RBM26: variants seen among roughly 807,000 people sequenced by gnomAD.
The protein encoded by RBM26 is RNA binding motif protein 26, also known as RNA-binding protein 26.
In RBM26, 30 loss-of-function variants were observed where a neutral mutation model predicts 123.6. The observed-to-expected ratio is 0.24, with a 90% CI of 0.18 to 0.33. The LOEUF is 0.33. RBM26 is among the 10% of genes least tolerant of loss of function. The pLI is 1.00. For synonymous variants in RBM26, 400 were observed against 404.4 expected (o/e 0.99, Z 0.13); for missense variants, 947 against 1,203.6 (o/e 0.79, Z 3.15).
chr13:79,373,462 TAATATGTATAAATATACAA>T (rs2076281188), intron 3 of RBM26, among the ~76,000 whole-genome samples: 1 of 71,756 alleles, frequency 1.4e-5, no homozygotes, highest in South Asian at 3.9e-4. Flanking sequence ...TAAATATATA[TAATATGTATAAATATACAA>T]ATATATATAA....
exon 5 of RBM26, chr13:79,313,804 T>A (rs368395860): frequency 1.6e-4 from 24 of 151,516 alleles, no homozygotes; most frequent in African/African-American, 5.6e-4. Flanking sequence ...TACATTCTTT[T>A]TACTCTTCAT....
At chr13:79,378,945 A>G in intron 1 of RBM26, 38 bp from the exon 2 acceptor site, 1 of 1,215,262 alleles carries the variant, frequency 8.2e-7, no homozygotes, top group South Asian at 1.3e-5. Context: ...AATTTAGCCA[A>G]CTGCACATTC....
chr13:79,344,199 C>T (rs1278176904), intron 16 of RBM26, 49 bp downstream of exon 16: 1 of 1,200,364 alleles, frequency 8.3e-7, no homozygotes, highest in African/African-American at 1.5e-5. Flanking sequence ...TAAGTTCACT[C>T]CAAATTATAA....
chr13:79,390,358 G>A (rs1380506900), intron 1 of RBM26, among the ~76,000 whole-genome samples: 1 of 152,110 alleles, frequency 6.6e-6, no homozygotes, highest in Non-Finnish European at 1.5e-5. Context: ...ATAATACTCT[G>A]ATTCCACTGA....
chr13:79,360,490 AATATAT>A (rs141926769), intron 9 of RBM26, among the ~76,000 whole-genome samples: 2 of 149,966 alleles, frequency 1.3e-5, no homozygotes, highest in African/African-American at 2.4e-5. Flanking sequence ...CCTCACCACA[AATATAT>A]ATATATATAT....
intron 5 of RBM26, 86 bp downstream of exon 5, chr13:79,370,859 A>G: frequency 2.9e-6 from 4 of 1,388,972 alleles, no homozygotes; most frequent in Non-Finnish European, 4.0e-6. Flanking sequence ...AAAAATGAAG[A>G]CAACACTGAC....
chr13:79,361,171 T>C (rs999183813), intron 9 of RBM26, among the ~76,000 whole-genome samples: 1 of 152,168 alleles, frequency 6.6e-6, no homozygotes, highest in Non-Finnish European at 1.5e-5. Flanking sequence ...TAAACATTTC[T>C]ATTAATGAAA....
intron 3 of RBM26, among the ~76,000 whole-genome samples, chr13:79,373,374 ATATTATATAT>A (rs2076222370): frequency 9.7e-6 from 1 of 103,396 alleles, no homozygotes; most frequent in African/African-American, 3.9e-5. Context: ...TATATAATAT[ATATTATATAT>A]AAATATATAT....
chr13:79,375,096 T>TTATATATCATATAAATATTTA (rs1555332782), intron 3 of RBM26, among the ~76,000 whole-genome samples: 6 of 95,294 alleles, frequency 6.3e-5, no homozygotes, highest in Non-Finnish European at 8.4e-5. Context: ...AAATATATAT[T>TTATATATCATATAAATATTTA]TATATATATC....
chr13:79,405,788 A>G lies in RBM26; in HGVS notation c.-14T>C. The G allele has an allele frequency of 1.3e-6, 2 of 1,541,766 alleles. No individual in the cohort carries two copies. The highest frequency in any genetic ancestry group is 1.8e-6 in the Non-Finnish European group (2 of 1,138,910). On this transcript the variant is annotated 5_prime_UTR_variant, in exon 1 of 22. Coordinates refer to ENST00000438737, the MANE Select transcript of RBM26 (RefSeq NM_001366735.2). ...TTTAGAAACCATCCACAGCGGCCCT[A>G]AGGCCCGTCACACTCCTCCGCCCGC...
Position 79,353,189 on chromosome 13 carries a change from A to T in RBM26, c.2022T>A (p.Gly674=), listed in dbSNP as rs1289010033. 1.3e-6 allele frequency: 2 copies of T among 1,592,186 alleles called. No homozygotes were observed. Among genetic ancestry groups the T allele is most frequent in the South Asian group, 2.3e-5 (2 of 87,926 alleles). Residue 674 remains glycine (G), a synonymous_variant, in exon 14 of 22, where the codon GGT becomes GGA. Coordinates refer to ENST00000438737, the MANE Select transcript of RBM26 (RefSeq NM_001366735.2). ...CTGAAACAGATGGCTTTGATACAAA[A>T]CCCAACCTGTCCTTCACAGATAACT... ...VTKLSVKDRL[G]FVSKPSVSAT... is the part of the protein sequence containing the mutation.
chr13:79,318,701 T>G (rs762048306), downstream of RBM26: 1 of 685,236 alleles, frequency 1.5e-6, no homozygotes, highest in African/African-American at 2.0e-5. Context: ...TTCAGTTACA[T>G]TGTAAGGGAA....
intron 14 of RBM26, among the ~76,000 whole-genome samples, chr13:79,346,433 T>C (rs554251439): frequency 2.6e-5 from 4 of 152,208 alleles, no homozygotes; most frequent in South Asian, 4.1e-4. Context: ...GGCTGGAGCA[T>C]AGTGGCCCAG....
chr13:79,370,986 T>C lies in RBM26; in HGVS notation c.593A>G (p.Asp198Gly), dbSNP rs149554228. Reference sequence around the variant, plus strand: ...GCTTCTGCTTCTAGTCCTGCTTCTATCTCTGTCCCTCTCACGAAGCCTCTC... The same window carrying C: ...GCTTCTGCTTCTAGTCCTGCTTCTACCTCTGTCCCTCTCACGAAGCCTCTC... ...SKERLRERDR[D>G]RSRTRSRSRT... The change falls in exon 5 of 22, where the codon GAT becomes GGT. Residue 198 changes from aspartate (D) to glycine (G), a missense_variant. By Grantham distance (94) the Asp-to-Gly change is moderately conservative (BLOSUM62 -1). Coordinates refer to ENST00000438737, the MANE Select transcript of RBM26 (RefSeq NM_001366735.2). 1.3e-6 allele frequency: 2 copies of C among 1,590,228 alleles called. No individual in the cohort carries two copies. Among genetic ancestry groups the C allele is most frequent in the Admixed American group, 1.7e-5 (1 of 59,984 alleles).
At chr13:79,364,644 G>GA (rs1272461838) in intron 9 of RBM26, among the ~76,000 whole-genome samples, 1 of 151,968 alleles carries the variant, frequency 6.6e-6, no homozygotes, top group Non-Finnish European at 1.5e-5. Context: ...TTCTCCCTCT[G>GA]AATCTTATTA....
At chr13:79,372,886 C>CAAATAAATATTT (rs2076100422) in intron 3 of RBM26, among the ~76,000 whole-genome samples, 1 of 64,400 alleles carries the variant, frequency 1.6e-5, no homozygotes, top group African/African-American at 7.9e-5. Flanking sequence ...ATTTTATATG[C>CAAATAAATATTT]TATATAAAAT....
At chr13:79,354,650 T>C (rs1000795890) in intron 12 of RBM26, 80 bp from the exon 13 acceptor site, 4 of 1,296,846 alleles carry the variant, frequency 3.1e-6, no homozygotes, top group African/African-American at 1.5e-5. Context: ...TGTTACTACA[T>C]TGCCCATGCA....
At chr13:79,354,652 G>T in intron 12 of RBM26, 82 bp from the exon 13 acceptor site, 2 of 1,268,022 alleles carry the variant, frequency 1.6e-6, no homozygotes, top group Non-Finnish European at 2.0e-6. Context: ...TTACTACATT[G>T]CCCATGCAGA....
intron 21 of RBM26, among the ~76,000 whole-genome samples, chr13:79,321,819 G>A (rs894625808): frequency 1.3e-5 from 2 of 151,328 alleles, no homozygotes; most frequent in East Asian, 1.9e-4. Context: ...TTTATTCAGC[G>A]TTATCAGTCT....
Sources: allele counts gnomAD v4.1 joint callset (sites outside exome capture counted in the v4.1 genomes callset), GRCh38; gene constraint gnomAD v4.1.1; transcripts MANE v1.5; gene names NCBI Gene and HGNC (gene_info 2026-07-23, HGNC 2026-07-21).